CSRNP3: variants seen among roughly 807,000 people sequenced by gnomAD.
CSRNP3 encodes the protein cysteine and serine rich nuclear protein 3.
Under a neutral mutation model 48.0 loss-of-function variants are expected in CSRNP3, and 12 were observed. The ratio of observed to expected loss-of-function variants is 0.25; its 90% CI spans 0.16 to 0.41. The LOEUF (loss-of-function observed/expected upper bound fraction) is 0.41, where lower values mean the gene tolerates loss of function less well. Ranked by LOEUF, CSRNP3 falls within the 10% of genes least tolerant of loss-of-function variation. The probability of loss-of-function intolerance (pLI) is 1.00; values close to 1 mark genes in which losing one functional copy is unlikely to be tolerated. For missense variants in CSRNP3, 580 were observed against 724.4 expected (o/e 0.80, Z 2.29); for synonymous variants, 263 against 269.7 (o/e 0.98, Z 0.24).
At chr2:165,504,141 C>T (rs1007107420) in intron 2 of CSRNP3, among the ~76,000 whole-genome samples, 13 of 151,784 alleles carry the variant, frequency 8.6e-5, no homozygotes, top group Non-Finnish European at 1.0e-4. Flanking sequence ...ATTAAGAGAC[C>T]TTTAAAAATG....
intron 2 of CSRNP3, among the ~76,000 whole-genome samples, chr2:165,500,544 A>G (rs1684345527): frequency 1.3e-5 from 2 of 150,816 alleles, no homozygotes; most frequent in Admixed American, 1.3e-4. Flanking sequence ...TGCAACCTCC[A>G]CCTCCCGGGC....
At chr2:165,540,016 A>G (rs192337396) in intron 3 of CSRNP3, among the ~76,000 whole-genome samples, 6 of 152,208 alleles carry the variant, frequency 3.9e-5, no homozygotes, top group Non-Finnish European at 5.9e-5. Flanking sequence ...ATAAAATGCC[A>G]GTAGTGATTG....
chr2:165,484,080 T>C (rs1189628531), intron 1 of CSRNP3, among the ~76,000 whole-genome samples: 1 of 152,192 alleles, frequency 6.6e-6, no homozygotes, highest in Non-Finnish European at 1.5e-5. Context: ...TCAGTAATAA[T>C]GCAACAATTC....
chr2:165,688,879 A>G lies in CSRNP3; in HGVS notation c.*9126A>G, dbSNP rs1431191504. On this transcript the variant is annotated 3_prime_UTR_variant, in exon 7 of 7. Coordinates refer to ENST00000651982, the MANE Select transcript of CSRNP3 (RefSeq NM_001172173.2). ...ACCTTATGATTAGTTTTATCTTTCAACTGATTTTTATTGTTACTTTTACTC... is the reference window on the plus strand; with the variant it reads ...ACCTTATGATTAGTTTTATCTTTCAGCTGATTTTTATTGTTACTTTTACTC... The G allele has an allele frequency of 2.6e-5, 4 of 152,138 alleles. No homozygotes were observed. Among genetic ancestry groups the G allele is most frequent in the African/African-American group, 9.7e-5 (4 of 41,438 alleles). 9.4% of individuals were successfully genotyped at this position (152,138 alleles called of 1,614,324 possible). A position where few individuals can be genotyped will look rare whatever the true frequency, so the allele number is the denominator to read the frequency against.
intron 2 of CSRNP3, among the ~76,000 whole-genome samples, chr2:165,511,876 AG>A (rs1264023241): frequency 6.6e-6 from 1 of 152,066 alleles, no homozygotes; most frequent in African/African-American, 2.4e-5. Flanking sequence ...TTTAGCTTCC[AG>A]GGGGCAGGTT....
At chr2:165,492,609 T>A (rs1312348990) in intron 1 of CSRNP3, among the ~76,000 whole-genome samples, 1 of 151,888 alleles carries the variant, frequency 6.6e-6, no homozygotes, top group Non-Finnish European at 1.5e-5. Context: ...TAATGGCTTA[T>A]TTTTCTCAAT....
At position 165,687,443 on chromosome 2, in the gene CSRNP3, A is replaced by G. The variant is rs1687648031; in HGVS notation, c.*7690A>G. The G allele has an allele frequency of 6.6e-6, 1 of 152,092 alleles. No homozygotes were observed. Among genetic ancestry groups the G allele is most frequent in the African/African-American group, 2.4e-5 (1 of 41,414 alleles). 9.4% of individuals were successfully genotyped at this position (152,092 alleles called of 1,614,324 possible). On this transcript the variant is annotated 3_prime_UTR_variant, in exon 7 of 7. Transcript: ENST00000651982. Reference sequence around the variant, plus strand: ...AATGACTTGACTTTTAAGCTGTTCCATTTTCTAAGAAGTTACAATTACAAA... The same window carrying G: ...AATGACTTGACTTTTAAGCTGTTCCGTTTTCTAAGAAGTTACAATTACAAA...
chr2:165,606,226 TG>T (rs904027431), intron 4 of CSRNP3, among the ~76,000 whole-genome samples: 18 of 148,738 alleles, frequency 1.2e-4, no homozygotes, highest in Admixed American at 8.7e-4. Context: ...AAAATAAAAC[TG>T]AATATATAAC....
intron 1 of CSRNP3, among the ~76,000 whole-genome samples, chr2:165,478,125 A>G (rs1683993347): frequency 6.6e-6 from 1 of 152,174 alleles, no homozygotes; most frequent in African/African-American, 2.4e-5. Flanking sequence ...CCTTCCCAAC[A>G]CAAAAGTCTC....
At chr2:165,641,561 A>G (rs1686722214) in intron 4 of CSRNP3, among the ~76,000 whole-genome samples, 1 of 152,066 alleles carries the variant, frequency 6.6e-6, no homozygotes, top group African/African-American at 2.4e-5. Context: ...TCTTCTTCTC[A>G]CTTTTTCCTT....
chr2:165,516,447 G>A (rs896873011), intron 2 of CSRNP3, among the ~76,000 whole-genome samples: 8 of 152,044 alleles, frequency 5.3e-5, no homozygotes, highest in African/African-American at 1.9e-4. Flanking sequence ...AAAACGTACA[G>A]AGAGGTTGCT....
At chr2:165,649,215 T>C (rs1033053086) in intron 4 of CSRNP3, among the ~76,000 whole-genome samples, 29 of 152,362 alleles carry the variant, frequency 1.9e-4, no homozygotes, top group African/African-American at 6.3e-4. Context: ...ATACTTATTA[T>C]GTCACTTAGT....
intron 3 of CSRNP3, among the ~76,000 whole-genome samples, chr2:165,563,267 A>C (rs1451241857): frequency 6.6e-6 from 1 of 152,184 alleles, no homozygotes; most frequent in Non-Finnish European, 1.5e-5. Context: ...TAGTCAGACA[A>C]AATTGAAAAC....
intron 2 of CSRNP3, among the ~76,000 whole-genome samples, chr2:165,515,646 T>C (rs1307942859): frequency 2.0e-5 from 3 of 151,836 alleles, no homozygotes. Context: ...AAATTTTAAA[T>C]GGTATCTTAA....
intron 3 of CSRNP3, among the ~76,000 whole-genome samples, chr2:165,587,307 G>A (rs999443105): frequency 1.8e-4 from 27 of 152,226 alleles, no homozygotes; most frequent in Non-Finnish European, 4.4e-5. Context: ...ATGTGGCCAA[G>A]ACGTGAATTC....
chr2:165,602,971 T>G (rs1389419877), intron 4 of CSRNP3, among the ~76,000 whole-genome samples: 1 of 152,136 alleles, frequency 6.6e-6, no homozygotes. Context: ...CTCGGCTCAC[T>G]GCAGGCTCTG....
chr2:165,656,934 C>T (rs76582379), intron 4 of CSRNP3, among the ~76,000 whole-genome samples: 1 of 152,178 alleles, frequency 6.6e-6, no homozygotes, highest in African/African-American at 2.4e-5. Flanking sequence ...TATAGTTGTC[C>T]CTGGTTATCT....
At chr2:165,509,347 A>G (rs192304124) in intron 2 of CSRNP3, among the ~76,000 whole-genome samples, 2 of 152,288 alleles carry the variant, frequency 1.3e-5, no homozygotes, top group East Asian at 3.9e-4. Context: ...GGAGGCTTCC[A>G]GGAGAAATAA....
chr2:165,535,637 A>G (rs1158374136), intron 3 of CSRNP3, among the ~76,000 whole-genome samples: 1 of 151,872 alleles, frequency 6.6e-6, no homozygotes. Context: ...CGTGATCACA[A>G]TGACAGGTTT....
Sources: gnomAD v4.1 joint callset for allele counts (sites outside exome capture counted in the v4.1 genomes callset) on GRCh38, gnomAD v4.1.1 for gene constraint, MANE v1.5 for transcripts, NCBI Gene and HGNC (gene_info 2026-07-23, HGNC 2026-07-21) for gene names.